MAP2K6: variants seen among roughly 807,000 people sequenced by gnomAD.
MAP2K6 encodes the protein mitogen-activated protein kinase kinase 6, also known as dual specificity mitogen-activated protein kinase kinase 6.
In MAP2K6, 16 loss-of-function variants were observed where a neutral mutation model predicts 53.7. That is an observed-to-expected ratio of 0.30 (90% CI 0.20 to 0.45). The LOEUF (loss-of-function observed/expected upper bound fraction) is 0.45. Among genes scored for constraint, MAP2K6 ranks in the 20% least tolerant of loss-of-function variants. The pLI, the probability that MAP2K6 is intolerant of heterozygous loss-of-function variation, is 1.00. For missense variants in MAP2K6, 204 were observed against 411.9 expected (o/e 0.50, Z 4.37); for synonymous variants, 132 against 143.1 (o/e 0.92, Z 0.55).
chr17:69,433,576 C>T (rs536420855), intron 1 of MAP2K6: 4 of 152,338 alleles, frequency 2.6e-5, no homozygotes, highest in Admixed American at 2.6e-4. Context: ...GTATTAGCTG[C>T]TTCACTGTGT....
rs559452659 is a variant in MAP2K6, at chr17:69,517,579, G to T, written c.212G>T (p.Arg71Leu). ...GCGTACGGGGTGGTGGAGAAGATGC[G>T]GCACGTGCCCAGCGGGCAGATCATG... ...RGAYGVVEKM[R>L]HVPSGQIMAV... The change falls in exon 4 of 12, where the codon CGG becomes CTG. Residue 71 changes from arginine (R) to leucine (L), a missense_variant. Transcript: ENST00000590474. The T allele has an allele frequency of 1.2e-6, 2 of 1,608,344 alleles. No homozygotes were observed. The highest frequency in any genetic ancestry group is 1.7e-6 in the Non-Finnish European group (2 of 1,176,530).
intron 11 of MAP2K6, 105 bp downstream of exon 11, chr17:69,536,265 C>A: frequency 1.3e-6 from 1 of 794,706 alleles, no homozygotes; most frequent in Non-Finnish European, 2.1e-6. Context: ...AGAGTTGGTT[C>A]ATTGATACAT....
At chr17:69,507,545 G>C (rs1305513699) in intron 2 of MAP2K6, among the ~76,000 whole-genome samples, 1 of 151,880 alleles carries the variant, frequency 6.6e-6, no homozygotes, top group Non-Finnish European at 1.5e-5. Context: ...TTGCCATTTT[G>C]TTATTTCATG....
rs1349261324 is a variant in MAP2K6 at position 69,553,186 on chromosome 17, G to T, written c.*11433G>T. The T allele has an allele frequency of 1.3e-5, 2 of 152,186 alleles. No individual in the cohort carries two copies. The highest frequency in any genetic ancestry group is 6.5e-5 in the Admixed American group (1 of 15,278). The allele number at this position is 152,186 out of a possible 1,614,324, so 9.4% of individuals were successfully genotyped here. A position where few individuals can be genotyped will look rare whatever the true frequency, so the allele number is the denominator to read the frequency against. On this transcript the variant is annotated 3_prime_UTR_variant, in exon 12 of 12. Transcript: ENST00000590474. ...CAAGGAAGTATAATAATTGCCAAAG[G>T]TGAGGGTAATTTTGCCTTACAAGTA...
intron 1 of MAP2K6, among the ~76,000 whole-genome samples, chr17:69,476,551 T>A (rs1908157885): frequency 6.6e-6 from 1 of 152,226 alleles, no homozygotes; most frequent in Non-Finnish European, 1.5e-5. Context: ...TATCGATCCC[T>A]GGGTCTGAAG....
rs1411350635 is a variant in MAP2K6 at position 69,536,169 on chromosome 17, T to C, written c.927+9T>C. On this transcript the variant is annotated intron_variant, in intron 11 of 11. Coordinates refer to ENST00000590474, the MANE Select transcript of MAP2K6 (RefSeq NM_002758.4). ...CATACCCAGAGCTAATGGTGAGTAT[T>C]GTTAGCAACGTAAACATGACTATAC... 1.2e-6 allele frequency: 2 copies of C among 1,608,930 alleles called. No individual in the cohort carries two copies. The highest frequency in any genetic ancestry group is 4.5e-5 in the East Asian group (2 of 44,762).
At chr17:69,449,565 C>T (rs200335752) in intron 1 of MAP2K6, among the ~76,000 whole-genome samples, 10 of 94,332 alleles carry the variant, frequency 1.1e-4, no homozygotes, top group Non-Finnish European at 2.0e-4. Flanking sequence ...TTCTTTATTT[C>T]TTTCTTTCTT....
At chr17:69,484,419 G>A in intron 1 of MAP2K6, among the ~76,000 whole-genome samples, 1 of 151,948 alleles carries the variant, frequency 6.6e-6, no homozygotes, top group Non-Finnish European at 1.5e-5. Flanking sequence ...AACAAAAACA[G>A]AAAATAACAA....
At chr17:69,426,309 G>C (rs1337106445) in intron 1 of MAP2K6, among the ~76,000 whole-genome samples, 3 of 152,086 alleles carry the variant, frequency 2.0e-5, no homozygotes, top group Non-Finnish European at 4.4e-5. Context: ...CTCTAGCTTC[G>C]GTTTCTTCAC....
intron 1 of MAP2K6, among the ~76,000 whole-genome samples, chr17:69,490,119 T>C (rs1908686164): frequency 6.6e-6 from 1 of 152,208 alleles, no homozygotes; most frequent in Non-Finnish European, 1.5e-5. Context: ...GTAGGGAACA[T>C]GAAGAGTTTC....
chr17:69,486,367 C>T (rs983727744), intron 1 of MAP2K6, among the ~76,000 whole-genome samples: 26 of 152,138 alleles, frequency 1.7e-4, no homozygotes, highest in African/African-American at 5.8e-4. Flanking sequence ...ACAGAAAATG[C>T]CCTGAGAGAG....
chr17:69,433,031 A>G (rs1598259292), intron 1 of MAP2K6: 1 of 152,260 alleles, frequency 6.6e-6, no homozygotes. Flanking sequence ...GAAAAGGCAC[A>G]TTGATGCTCT....
chr17:69,418,929 C>T (rs1360676678), intron 1 of MAP2K6, among the ~76,000 whole-genome samples: 1 of 151,860 alleles, frequency 6.6e-6, no homozygotes, highest in Admixed American at 6.6e-5. Context: ...GATAAATTCA[C>T]AATAAGAATA....
chr17:69,496,989 T>C (rs1245235367), intron 1 of MAP2K6, among the ~76,000 whole-genome samples: 3 of 152,174 alleles, frequency 2.0e-5, no homozygotes, highest in Non-Finnish European at 4.4e-5. Flanking sequence ...ACTTCTACTA[T>C]TACTATTACT....
rs751306749 is a variant in MAP2K6, at chr17:69,414,740, T to A, written c.-245T>A. The stretch of plus-strand genomic sequence containing the variant: ...TTTAGCTGCCAGCCCTGGCCCATCA[T>A]GTAGCTGCAGCACAGCCTTCCCTAA... On this transcript the variant is annotated 5_prime_UTR_variant, in exon 1 of 12. An upstream start codon of the reference 5' UTR is lost. Transcript: ENST00000590474. 2.1e-6 allele frequency: 1 copy of A among 484,876 alleles called. No homozygotes were observed. 30.0% of individuals were successfully genotyped at this position (484,876 alleles called of 1,614,324 possible). A position where few individuals can be genotyped will look rare whatever the true frequency, so the allele number is the denominator to read the frequency against.
intron 1 of MAP2K6, among the ~76,000 whole-genome samples, chr17:69,465,938 C>A (rs1236465666): frequency 6.7e-6 from 1 of 149,606 alleles, no homozygotes; most frequent in East Asian, 2.1e-4. Flanking sequence ...CTTTTTAGTG[C>A]CTCTAATTCT....
intron 1 of MAP2K6, among the ~76,000 whole-genome samples, chr17:69,474,666 A>G (rs531455412): frequency 2.0e-5 from 3 of 152,342 alleles, no homozygotes; most frequent in South Asian, 2.1e-4. Context: ...ATCTCTTTCT[A>G]TGACCACAGC....
At chr17:69,459,622 G>C (rs908616879) in intron 1 of MAP2K6, among the ~76,000 whole-genome samples, 2 of 135,368 alleles carry the variant, frequency 1.5e-5, no homozygotes, top group Admixed American at 8.5e-5. Context: ...TGAGGCAGGA[G>C]AATCGCTTGA....
intron 1 of MAP2K6, among the ~76,000 whole-genome samples, chr17:69,461,017 G>GT (rs753894242): frequency 4.6e-5 from 7 of 152,204 alleles, no homozygotes; most frequent in Non-Finnish European, 1.0e-4. Context: ...ATCAGGAGGA[G>GT]TGAAGGAAGA....
Sources: allele counts gnomAD v4.1 joint callset (sites outside exome capture counted in the v4.1 genomes callset), GRCh38; gene constraint gnomAD v4.1.1; transcripts MANE v1.5; gene names NCBI Gene and HGNC (gene_info 2026-07-23, HGNC 2026-07-21).